The following TLE3 variants were observed in gnomAD, a reference collection of about 807,000 sequenced individuals.
TLE3 encodes transducin-like enhancer protein 3.
TLE3 carries 14 observed loss-of-function variants against 93.0 expected under a neutral mutation model. The observed-to-expected ratio is 0.15, with a 90% CI of 0.10 to 0.24. TLE3 has a LOEUF of 0.24. TLE3 is among the 10% of genes least tolerant of loss of function. TLE3 has a pLI of 1.00. For synonymous variants in TLE3, 451 were observed against 425.0 expected, an observed-to-expected ratio of 1.06 and a Z score of -0.75; for missense variants, 693 against 1,046.6, an observed-to-expected ratio of 0.66 and a Z score of 4.66.
intron 6 of TLE3, among the ~76,000 whole-genome samples, chr15:70,068,843 C>T (rs1462853635): frequency 6.6e-6 from 1 of 152,244 alleles, no homozygotes. Flanking sequence ...TGCCCTCCCA[C>T]TTCAGGTCAG....
intron 4 of TLE3, among the ~76,000 whole-genome samples, chr15:70,081,042 G>C (rs771081838): frequency 1.3e-4 from 20 of 152,164 alleles, no homozygotes; most frequent in Admixed American, 4.6e-4. Context: ...GCCAAATAAA[G>C]GCAAGGAGAA....
chr15:70,095,897 C>T (rs1207679215), intron 2 of TLE3: 5 of 623,436 alleles, frequency 8.0e-6, no homozygotes, highest in African/African-American at 1.9e-5. Flanking sequence ...CGCTGGCTCC[C>T]GACACCCAGA....
intron 6 of TLE3, among the ~76,000 whole-genome samples, chr15:70,070,178 C>T (rs779837975): frequency 6.6e-6 from 1 of 152,232 alleles, no homozygotes; most frequent in South Asian, 2.1e-4. Context: ...TTCACTTTTC[C>T]CTCCTTGAAC....
In TLE3 at chr15:70,058,212, G is replaced by A. The variant is rs1204676886; in HGVS notation, c.998C>T (p.Thr333Met). Reference protein sequence around the residue: ...RNDAPTPGTSTTPGLRSMPGK... With the variant: ...RNDAPTPGTSMTPGLRSMPGK... ...CGGCATCGACCTGAGCCCTGGGGTC[G>A]TGCTGGTGCCTGGAGTTGGGGCGTC... The change falls in exon 12 of 20, where the codon ACG (threonine) becomes ATG (methionine). Residue 333 changes from threonine to methionine, a missense_variant. By Grantham distance (81) the Thr-to-Met change is moderately conservative (BLOSUM62 -1). Around this residue, in one of 4 missense-constraint regions of TLE3, gnomAD observed 405 missense variants for 468.9 expected, o/e 0.86. Transcript: ENST00000451782. This position sits in a 1 kb window ranked among gnomAD's most constrained non-coding sequence, Gnocchi z 4.1. 8.1e-6 allele frequency: 13 copies of A among 1,613,764 alleles called. No homozygotes were observed. Among genetic ancestry groups the A allele is most frequent in the South Asian group, 2.2e-5 (2 of 91,064 alleles).
chr15:70,057,811 C>CAGAGCCAAAGAAGCTT, intron 12 of TLE3, 153 bp from the exon 13 acceptor site: 1 of 964,908 alleles, frequency 1.0e-6, no homozygotes, highest in Admixed American at 2.5e-5. Flanking sequence ...TCCCTGCCTT[C>CAGAGCCAAAGAAGCTT]AGAGCCAAAG....
In TLE3 at chr15:70,097,537, G is replaced by C. The variant is rs557158262; in HGVS notation, c.-739C>G. On this transcript the variant is annotated 5_prime_UTR_variant, in exon 1 of 20. Coordinates refer to ENST00000451782, the MANE Select transcript of TLE3 (RefSeq NM_001105192.3). ...CAGTAGGTGCAAATCAAACGCCCTG[G>C]CATCCTAAGTCCAGCGGGCACGGGA... The C allele has an allele frequency of 4.2e-4, 169 of 400,460 alleles. No homozygotes were observed. Among genetic ancestry groups the C allele is most frequent in the African/African-American group, 3.1e-3 (151 of 48,742 alleles). 24.8% of individuals were successfully genotyped at this position (400,460 alleles called of 1,614,324 possible).
Position 70,073,414 on chromosome 15 carries a change from A to G in TLE3, c.372+1119T>C, listed in dbSNP as rs1198827804. Among the ~76,000 whole-genome samples the G allele has an allele frequency of 3.3e-5, 5 of 152,332 alleles. No homozygotes were observed. The South Asian group carries it at 1.0e-3, about 32-fold the overall frequency. ...AGCAGAGGAAAATTGTGGGGCCTTC[A>G]GTTCCACCTTGAAATAGTGACTTCC... On this transcript the variant is annotated intron_variant, in intron 6 of 19. Transcript: ENST00000451782.
chr15:70,096,062 T>A, intron 2 of TLE3, 99 bp downstream of exon 2: 6 of 1,374,108 alleles, frequency 4.4e-6, no homozygotes, highest in Non-Finnish European at 4.9e-6. Flanking sequence ...CCGCCGCCCC[T>A]AGGTCGGGAG....
chr15:70,087,510 T>A (rs1216403137), intron 4 of TLE3, among the ~76,000 whole-genome samples: 1 of 152,254 alleles, frequency 6.6e-6, no homozygotes, highest in African/African-American at 2.4e-5. Context: ...CTCTGGAAAG[T>A]ACTTCCCCTG....
chr15:70,097,308 C>G lies in TLE3; in HGVS notation c.-510G>C, dbSNP rs1446731115. The G allele has an allele frequency of 5.0e-6, 2 of 400,772 alleles. No individual in the cohort carries two copies. Among genetic ancestry groups the G allele is most frequent in the African/African-American group, 4.1e-5 (2 of 48,460 alleles). 24.8% of individuals were successfully genotyped at this position (400,772 alleles called of 1,614,324 possible). On this transcript the variant is annotated 5_prime_UTR_variant, in exon 1 of 20. Coordinates refer to ENST00000451782, the MANE Select transcript of TLE3 (RefSeq NM_001105192.3). ...CCTAGAGGCGTCCGGGCCTGGGGCT[C>G]GCGGCGAGAAGAGGAAGGAGGCGGG... is the stretch of plus-strand genomic sequence containing the variant.
intron 6 of TLE3, among the ~76,000 whole-genome samples, chr15:70,070,766 C>T (rs1386216986): frequency 2.6e-5 from 4 of 152,124 alleles, no homozygotes; most frequent in African/African-American, 7.2e-5. Context: ...GGCTGAAAGA[C>T]GGATCCTAAG....
At chr15:70,059,263 C>T in intron 10 of TLE3, 147 bp downstream of exon 10, 1 of 925,388 alleles carries the variant, frequency 1.1e-6, no homozygotes, top group Non-Finnish European at 1.6e-6. Flanking sequence ...CTCCTCTTGA[C>T]CCCCTGAGAC....
chr15:70,078,206 T>C (rs894259639), intron 4 of TLE3, among the ~76,000 whole-genome samples: 2 of 151,536 alleles, frequency 1.3e-5, no homozygotes, highest in Admixed American at 1.3e-4. Flanking sequence ...CTCTGCTTAT[T>C]TTTTCCTCGC....
At chr15:70,065,857 T>C (rs591181) in intron 7 of TLE3, 157 bp downstream of exon 7, 759,160 of 764,168 alleles carry the variant, frequency 0.99, 377,265 homozygotes, top group East Asian at 1. Flanking sequence ...GCGGATGGCA[T>C]TGGCTTCCCT....
At chr15:70,054,865 CAGG>C (rs971472972) in intron 15 of TLE3, 180 bp from the exon 16 acceptor site, 6 of 1,214,618 alleles carry the variant, frequency 4.9e-6, no homozygotes, top group Non-Finnish European at 4.5e-6. Context: ...TCATGAATAC[CAGG>C]AGGTCAGAAT....
chr15:70,054,883 C>G (rs949305623), intron 15 of TLE3, 166 bp downstream of exon 15: 1 of 1,247,312 alleles, frequency 8.0e-7, no homozygotes. Context: ...CAGAATCAGC[C>G]CCACACACAG....
intron 4 of TLE3, among the ~76,000 whole-genome samples, chr15:70,091,615 G>C (rs1354921935): frequency 6.6e-6 from 1 of 152,184 alleles, no homozygotes; most frequent in East Asian, 1.9e-4. Flanking sequence ...AGAAGAGCAG[G>C]AGGAGAAACC....
At chr15:70,065,984 G>GGCCCCCCCCCCC in intron 7 of TLE3, 30 bp downstream of exon 7, 1 of 768,868 alleles carries the variant, frequency 1.3e-6, no homozygotes, top group Non-Finnish European at 2.1e-6. Context: ...CCCCTGCCCC[G>GGCCCCCCCCCCC]CCCCACCCTC....
intron 6 of TLE3, among the ~76,000 whole-genome samples, chr15:70,073,786 C>CAAAGCACCAAATGACACCAAA (rs1231162492): frequency 1.3e-5 from 2 of 152,200 alleles, no homozygotes; most frequent in Admixed American, 1.3e-4. Flanking sequence ...TGTCACTAGC[C>CAAAGCACCAAATGACACCAAA]TCACACCAAA....
Sources: allele counts gnomAD v4.1 joint callset (sites outside exome capture counted in the v4.1 genomes callset), GRCh38; gene constraint gnomAD v4.1.1; regional missense constraint gnomAD v4.1.1; non-coding constraint Gnocchi (gnomAD v3.1); transcripts MANE v1.5; gene names NCBI Gene and HGNC (gene_info 2026-07-23, HGNC 2026-07-21).